The following ADCY2 variants were observed in gnomAD, a reference collection of about 807,000 sequenced individuals.
ADCY2 encodes adenylate cyclase type 2.
Under a neutral mutation model 125.2 loss-of-function variants are expected in ADCY2, and 31 were observed. The ratio of observed to expected loss-of-function variants is 0.25; its 90% CI spans 0.19 to 0.33. The LOEUF is 0.33. Ranked by LOEUF, ADCY2 falls within the 10% of genes least tolerant of loss-of-function variation. ADCY2 has a pLI of 1.00. For synonymous variants in ADCY2, 512 were observed against 548.4 expected (o/e 0.93, Z 0.93); for missense variants, 904 against 1,418.2 (o/e 0.64, Z 5.82).
chr5:7,707,002 TG>T, intron 8 of ADCY2, 100 bp downstream of exon 8: 3 of 1,429,302 alleles, frequency 2.1e-6, no homozygotes, highest in Non-Finnish European at 2.8e-6. Flanking sequence ...TGATCACTTC[TG>T]TTGCCTCTGT....
chr5:7,535,995 C>T (rs1295740270), intron 3 of ADCY2, among the ~76,000 whole-genome samples: 1 of 152,176 alleles, frequency 6.6e-6, no homozygotes, highest in Non-Finnish European at 1.5e-5. Flanking sequence ...TTCAAAAATA[C>T]TATAGGAGAT....
chr5:7,615,535 A>G (rs192074483), intron 3 of ADCY2, among the ~76,000 whole-genome samples: 2 of 152,346 alleles, frequency 1.3e-5, no homozygotes, highest in East Asian at 3.9e-4. Flanking sequence ...TTGGAAGAGA[A>G]TATAGATAGC....
rs1738453022 is a variant in ADCY2, at chr5:7,635,190, G to A, written c.720+8874G>A. Among the ~76,000 whole-genome samples, 3 of 152,238 alleles carry A rather than the reference G, an allele frequency of 2.0e-5. No individual in the cohort carries two copies. In the East Asian group the frequency reaches 5.8e-4, roughly 30 times the overall value. ...ATACTGAGTGGGAAGTCACTGAAGG[G>A]TTTTGAGTAAGATAGCAACGTAAAC... On this transcript the variant is annotated intron_variant, in intron 4 of 24. Transcript: ENST00000338316.
At chr5:7,599,650 A>G (rs192242918) in intron 3 of ADCY2, among the ~76,000 whole-genome samples, 19 of 152,254 alleles carry the variant, frequency 1.2e-4, no homozygotes, top group Non-Finnish European at 2.4e-4. Context: ...GATTGTATCA[A>G]CCATGGGAGC....
chr5:7,662,841 C>T lies in ADCY2; in HGVS notation c.721-27850C>T, dbSNP rs1329641940. ...AGAGCACAGAGAAGTTCTGGGTACA[C>T]TGCCTTTGGCATGCTCAGAAGCAGG... On this transcript the variant is annotated intron_variant, in intron 4 of 24. Transcript: ENST00000338316. Among the ~76,000 whole-genome samples, 3 of 152,180 alleles carry T rather than the reference C, an allele frequency of 2.0e-5. No homozygotes were observed. The East Asian group carries it at 5.8e-4, about 29-fold the overall frequency.
In ADCY2 at chr5:7,707,805, C is replaced by T. The variant is rs34899441; in HGVS notation, c.1368C>T (p.His456=). The change falls in exon 9 of 25, where the codon CAC becomes CAT. Residue 456 remains histidine, a synonymous_variant. Coordinates refer to ENST00000338316, the MANE Select transcript of ADCY2 (RefSeq NM_020546.3). The stretch of plus-strand genomic sequence containing the variant: ...TTAGGGACCCATATTTAAAACAGCA[C>T]CTGGTGAAAACCTACTTTGTGATCA... ...GDIRDPYLKQ[H]LVKTYFVINP... 13,537 of 1,613,944 alleles carry T rather than the reference C, an allele frequency of 8.4e-3. 962 individuals are homozygous for T. The African/African-American group carries it at 0.16, about 19-fold the overall frequency.
At position 7,430,767 on chromosome 5, in the gene ADCY2, G is replaced by GA. The variant is rs1561021634; in HGVS notation, c.408+16004dup. On this transcript the variant is annotated intron_variant, in intron 2 of 24. Coordinates refer to ENST00000338316, the MANE Select transcript of ADCY2 (RefSeq NM_020546.3). Reference sequence around the variant, plus strand: ...ATATTGGAATCATCTGTTAGAAATGGAAAAAAACCATTTAATATAAACTCA... The same window carrying GA: ...ATATTGGAATCATCTGTTAGAAATGGAAAAAAAACCATTTAATATAAACTCA... 8.6e-5 allele frequency among the ~76,000 whole-genome samples: 13 copies of GA among 151,826 alleles called. No individual in the cohort carries two copies. The South Asian group carries it at 2.5e-3, about 29-fold the overall frequency.
rs75697647 is a variant in ADCY2 at position 7,487,250 on chromosome 5, C to A, written c.409-33488C>A. Among the ~76,000 whole-genome samples, 162 of 152,290 alleles carry A rather than the reference C, an allele frequency of 1.1e-3. 3 individuals are homozygous for A. The East Asian group carries it at 0.023, about 22-fold the overall frequency. On this transcript the variant is annotated intron_variant, in intron 2 of 24. Transcript: ENST00000338316. ...CCAAGGGCCTGCCCATCCTGTCAGT[C>A]CCAGTGCCTGCTTGTCATGCTATGG...
intron 4 of ADCY2, among the ~76,000 whole-genome samples, chr5:7,683,334 C>T (rs369787313): frequency 6.6e-5 from 10 of 152,312 alleles, no homozygotes; most frequent in South Asian, 6.2e-4. Context: ...CATTCAGGGA[C>T]GGAGGACATA....
At chr5:7,713,006 A>G in intron 11 of ADCY2, 107 bp downstream of exon 11, 1 of 803,248 alleles carries the variant, frequency 1.2e-6, no homozygotes, top group Admixed American at 2.6e-5. Context: ...CTGAAAGAGC[A>G]GCTCCCCCTG....
At chr5:7,595,737 T>A (rs1047532262) in intron 3 of ADCY2, among the ~76,000 whole-genome samples, 4 of 152,158 alleles carry the variant, frequency 2.6e-5, no homozygotes, top group Non-Finnish European at 5.9e-5. Context: ...TGGTGTAATT[T>A]TTGCATACAG....
chr5:7,828,829 C>T lies in ADCY2; in HGVS notation c.*1958C>T, dbSNP rs946847569. 1.1e-4 allele frequency: 16 copies of T among 152,326 alleles called. No individual in the cohort carries two copies. Among genetic ancestry groups the T allele is most frequent in the African/African-American group, 3.9e-4 (16 of 41,452 alleles). 9.4% of individuals were successfully genotyped at this position (152,326 alleles called of 1,614,324 possible). A position where few individuals can be genotyped will look rare whatever the true frequency, so the allele number is the denominator to read the frequency against. On this transcript the variant is annotated 3_prime_UTR_variant, in exon 25 of 25. Coordinates refer to ENST00000338316, the MANE Select transcript of ADCY2 (RefSeq NM_020546.3). ...CAGGCGTGCCTCGTGGGTTCTTCCT[C>T]TGTTACATCCTGCTACACTCATCCG... is the stretch of plus-strand genomic sequence containing the variant.
rs556432941 is a variant in ADCY2, at chr5:7,664,464, C to G, written c.721-26227C>G. Among the ~76,000 whole-genome samples, 11 of 152,276 alleles carry G rather than the reference C, an allele frequency of 7.2e-5. 1 individual carries two copies. In the East Asian group the frequency reaches 1.5e-3, roughly 21 times the overall value. On this transcript the variant is annotated intron_variant, in intron 4 of 24. Transcript: ENST00000338316. Reference sequence around the variant, plus strand: ...GGGGAGCACTGGCTTGACAGGCTTGCCATTGAGAACTAAGCTCTGACTTTT... The same window carrying G: ...GGGGAGCACTGGCTTGACAGGCTTGGCATTGAGAACTAAGCTCTGACTTTT...
chr5:7,809,895 G>A (rs1413234301), intron 22 of ADCY2, among the ~76,000 whole-genome samples: 11 of 152,192 alleles, frequency 7.2e-5, no homozygotes, highest in Non-Finnish European at 1.5e-5. Flanking sequence ...AAAGAAACAG[G>A]CATTTGTCAA....
rs564958949 is a variant in ADCY2 at position 7,537,476 on chromosome 5, G to C, written c.570+16577G>C. ...CCAGCCTTTCAATGGAGACCCACTT[G>C]TCGCCTCCTCCATCACACTCACCCC... On this transcript the variant is annotated intron_variant, in intron 3 of 24. Coordinates refer to ENST00000338316, the MANE Select transcript of ADCY2 (RefSeq NM_020546.3). Among the ~76,000 whole-genome samples the C allele has an allele frequency of 3.9e-5, 6 of 152,236 alleles. No homozygotes were observed. In the South Asian group the frequency reaches 1.0e-3, roughly 26 times the overall value.
intron 16 of ADCY2, 115 bp from the exon 17 acceptor site, chr5:7,766,572 T>A (rs1743385960): frequency 5.7e-6 from 6 of 1,046,122 alleles, no homozygotes; most frequent in Non-Finnish European, 8.3e-6. Context: ...CGAGTCCACA[T>A]AAACAATCCT....
chr5:7,686,420 T>C (rs184140726), intron 4 of ADCY2, among the ~76,000 whole-genome samples: 2 of 152,326 alleles, frequency 1.3e-5, no homozygotes, highest in East Asian at 3.9e-4. Context: ...TGCTAATGAA[T>C]AATAATTGGA....
At chr5:7,616,164 CT>C (rs1343414830) in intron 3 of ADCY2, among the ~76,000 whole-genome samples, 1 of 152,102 alleles carries the variant, frequency 6.6e-6, no homozygotes, top group Non-Finnish European at 1.5e-5. Context: ...TCAGGAACCT[CT>C]GCATTAGTGG....
intron 3 of ADCY2, among the ~76,000 whole-genome samples, chr5:7,544,778 G>C (rs182437620): frequency 2.6e-5 from 4 of 152,314 alleles, no homozygotes; most frequent in Admixed American, 6.5e-5. Context: ...GGAAAAGAGT[G>C]GGAGAGAGTT....
Sources: allele counts gnomAD v4.1 joint callset (sites outside exome capture counted in the v4.1 genomes callset), GRCh38; gene constraint gnomAD v4.1.1; transcripts MANE v1.5; gene names NCBI Gene and HGNC (gene_info 2026-07-23, HGNC 2026-07-21).